Variants in HMGCLL1 observed in about 807,000 individuals in gnomAD.
The protein encoded by HMGCLL1 is 3-hydroxymethyl-3-methylglutaryl-CoA lyase, cytoplasmic.
In HMGCLL1, 36 loss-of-function variants were observed where a neutral mutation model predicts 39.1. The ratio of observed to expected loss-of-function variants is 0.92; its 90% CI spans 0.71 to 1.22. The LOEUF (loss-of-function observed/expected upper bound fraction) is 1.22. Ranked by LOEUF, HMGCLL1 falls within the 50% of genes most tolerant of loss-of-function variation. The pLI, the probability that HMGCLL1 is intolerant of heterozygous loss-of-function variation, is 0.00. For missense variants in HMGCLL1, 451 were observed against 416.5 expected, an observed-to-expected ratio of 1.08 and a Z score of -0.72; for synonymous variants, 149 against 144.0, an observed-to-expected ratio of 1.03 and a Z score of -0.25.
the HMGCLL1 span, among the ~76,000 whole-genome samples, chr6:55,586,280 C>T: frequency 1.5e-4 from 23 of 151,740 alleles, no homozygotes; most frequent in African/African-American, 1.9e-4. Context: ...AGACCACATT[C>T]GAGAGGATTG....
the HMGCLL1 span, among the ~76,000 whole-genome samples, chr6:55,604,703 T>A: frequency 1.3e-5 from 2 of 152,156 alleles, no homozygotes; most frequent in Non-Finnish European, 2.9e-5. Context: ...CTTGAAAATA[T>A]TCCATTTGGC....
intron 7 of HMGCLL1, among the ~76,000 whole-genome samples, chr6:55,488,070 G>A (rs1276685585): frequency 6.6e-6 from 1 of 151,836 alleles, no homozygotes; most frequent in Non-Finnish European, 1.5e-5. Context: ...CGTATATAAG[G>A]TAAATAAACT....
Position 55,565,947 on chromosome 6 carries a change from T to C in HMGCLL1, c.108+13001A>G, listed in dbSNP as rs991572206. Among the ~76,000 whole-genome samples, 6 of 152,072 alleles carry C rather than the reference T, an allele frequency of 3.9e-5. No homozygotes were observed. In the East Asian group the frequency reaches 7.7e-4, roughly 20 times the overall value. On this transcript the variant is annotated intron_variant, in intron 1 of 8. Coordinates refer to ENST00000274901, the MANE Select transcript of HMGCLL1 (RefSeq NM_001042406.2). ...ACATTTGACCAGGTCCACAGTTTTC[T>C]ATAAAATGCAAGGTTTGAACTGTCT...
the HMGCLL1 span, among the ~76,000 whole-genome samples, chr6:55,597,564 TG>T: frequency 2.0e-5 from 3 of 151,560 alleles, no homozygotes; most frequent in African/African-American, 7.3e-5. Context: ...TTGGTGCTCA[TG>T]ACCAAGAAAA....
chr6:55,485,397 G>T (rs2127416276), intron 7 of HMGCLL1, among the ~76,000 whole-genome samples: 1 of 152,052 alleles, frequency 6.6e-6, no homozygotes, highest in African/African-American at 2.4e-5. Flanking sequence ...TTTTATCGTG[G>T]CTGTGTGCCT....
chr6:55,495,111 A>T (rs1766505066), intron 7 of HMGCLL1, among the ~76,000 whole-genome samples: 1 of 152,196 alleles, frequency 6.6e-6, no homozygotes, highest in Admixed American at 6.5e-5. Flanking sequence ...CAGTCTACTG[A>T]ATGTTATGGT....
intron 7 of HMGCLL1, among the ~76,000 whole-genome samples, chr6:55,489,658 T>C (rs1319714756): frequency 6.6e-6 from 1 of 151,938 alleles, no homozygotes; most frequent in Non-Finnish European, 1.5e-5. Flanking sequence ...CTGAAGGAAA[T>C]AAAATAACAG....
chr6:55,495,292 A>G (rs1766512570), intron 7 of HMGCLL1, 127 bp downstream of exon 7: 1 of 742,682 alleles, frequency 1.3e-6, no homozygotes, highest in Non-Finnish European at 2.1e-6. Context: ...TCATGTACAG[A>G]CACTGGTTAA....
chr6:55,671,986 A>G, the HMGCLL1 span, among the ~76,000 whole-genome samples: 1 of 151,756 alleles, frequency 6.6e-6, no homozygotes, highest in Non-Finnish European at 1.5e-5. Context: ...TTGTGTGTTC[A>G]TATGCTCCTG....
intron 7 of HMGCLL1, among the ~76,000 whole-genome samples, chr6:55,449,577 G>C (rs1763994253): frequency 6.6e-6 from 1 of 152,178 alleles, no homozygotes; most frequent in Non-Finnish European, 1.5e-5. Flanking sequence ...TATACCAATT[G>C]ATAAAAGGTT....
chr6:55,678,579 G>T, the HMGCLL1 span, among the ~76,000 whole-genome samples: 1 of 152,018 alleles, frequency 6.6e-6, no homozygotes. Flanking sequence ...ATCGAGAGAA[G>T]GGGACTGTTT....
At chr6:55,678,773 T>C in the HMGCLL1 span, among the ~76,000 whole-genome samples, 3 of 152,200 alleles carry the variant, frequency 2.0e-5, no homozygotes, top group African/African-American at 7.2e-5. Flanking sequence ...GAATTATCTT[T>C]TTTAACCAGT....
chr6:55,461,274 C>A lies in HMGCLL1; in HGVS notation c.796-21715G>T, dbSNP rs530622558. On this transcript the variant is annotated intron_variant, in intron 7 of 8. Coordinates refer to ENST00000274901, the MANE Select transcript of HMGCLL1 (RefSeq NM_001042406.2). The stretch of plus-strand genomic sequence containing the variant: ...GAGTCAAAAGAAGAAATATGTGGAA[C>A]CCATTCCTTAGCTTTCTGAAATCTC... Among the ~76,000 whole-genome samples, 81 of 151,842 alleles carry A rather than the reference C, an allele frequency of 5.3e-4. 3 individuals are homozygous for A. The South Asian group carries it at 0.017, about 31-fold the overall frequency.
At chr6:55,456,827 G>A (rs1764344522) in intron 7 of HMGCLL1, among the ~76,000 whole-genome samples, 2 of 152,122 alleles carry the variant, frequency 1.3e-5, no homozygotes, top group African/African-American at 2.4e-5. Flanking sequence ...CTATTGCAAC[G>A]GTGGGTTCCT....
At chr6:55,469,223 T>A (rs1402234037) in intron 7 of HMGCLL1, among the ~76,000 whole-genome samples, 1 of 150,914 alleles carries the variant, frequency 6.6e-6, no homozygotes, top group East Asian at 1.9e-4. Context: ...CTTCTATAAT[T>A]TGTTGATCTT....
At chr6:55,435,933 T>A (rs1763352804) in intron 8 of HMGCLL1, among the ~76,000 whole-genome samples, 170 bp from the exon 9 acceptor site, 1 of 152,088 alleles carries the variant, frequency 6.6e-6, no homozygotes, top group African/African-American at 2.4e-5. Flanking sequence ...TGAATAATGT[T>A]GTTAACATTT....
the HMGCLL1 span, among the ~76,000 whole-genome samples, chr6:55,616,876 A>G: frequency 6.6e-6 from 1 of 152,040 alleles, no homozygotes; most frequent in Non-Finnish European, 1.5e-5. Context: ...AAATTAGATT[A>G]TAAAAATGGA....
At chr6:55,604,527 C>A in the HMGCLL1 span, among the ~76,000 whole-genome samples, 2 of 151,464 alleles carry the variant, frequency 1.3e-5, no homozygotes, top group Non-Finnish European at 1.5e-5. Flanking sequence ...TTGATAAAGA[C>A]AAAAGAAATT....
chr6:55,511,923 T>C (rs1581879052), intron 5 of HMGCLL1, among the ~76,000 whole-genome samples: 1 of 152,098 alleles, frequency 6.6e-6, no homozygotes, highest in Admixed American at 6.6e-5. Context: ...CATTTGTCTA[T>C]AATTCTACAG....
Sources: allele counts gnomAD v4.1 joint callset (sites outside exome capture counted in the v4.1 genomes callset), GRCh38; gene constraint gnomAD v4.1.1; transcripts MANE v1.5; gene names NCBI Gene and HGNC (gene_info 2026-07-23, HGNC 2026-07-21).